Variants in METAP2 observed in about 807,000 individuals in gnomAD.
The protein encoded by METAP2 is methionine aminopeptidase 2.
In METAP2, 25 loss-of-function variants were observed where a neutral mutation model predicts 59.4. That is an observed-to-expected ratio of 0.42 (90% confidence interval 0.31 to 0.59). The LOEUF is 0.59. METAP2 is among the 20% of genes least tolerant of loss of function. METAP2 has a pLI of 0.16. For missense variants in METAP2, 366 were observed against 581.2 expected (o/e 0.63, Z 3.81); for synonymous variants, 214 against 194.1 (o/e 1.10, Z -0.85).
rs754507544 is a variant in METAP2 at position 95,513,769 on chromosome 12, T to C, written c.1302T>C (p.Asn434=). 2.5e-6 allele frequency: 4 copies of C among 1,614,236 alleles called. No individual in the cohort carries two copies. Among genetic ancestry groups the C allele is most frequent in the Non-Finnish European group, 3.4e-6 (4 of 1,180,040 alleles). ...GTAAATACTTGATGGCTCTGAAGAA[T>C]CTGTGTGACTTGGGCATTGTAGATC... is the stretch of plus-strand genomic sequence containing the variant. ...GESKYLMALK[N]LCDLGIVDPY... Residue 434 remains asparagine (N), a synonymous_variant, in exon 11 of 11, where the codon AAT becomes AAC. Transcript: ENST00000323666.
rs113478948 is a variant in METAP2 at position 95,475,948 on chromosome 12, CAATAAT to C, written c.152-122_152-117del. On this transcript the variant is annotated intron_variant, in intron 1 of 10. Coordinates refer to ENST00000323666, the MANE Select transcript of METAP2 (RefSeq NM_006838.4). ...CATTAAACGAATTCTGTTATGTTCA[CAATAAT>C]GTTTCTGTTTTTGTTTCCTGAGGAA... 3,172 of 604,840 alleles carry C rather than the reference CAATAAT, an allele frequency of 5.2e-3. 75 individuals carry two copies. Among genetic ancestry groups the C allele is most frequent in the African/African-American group, 0.051 (2,741 of 53,588 alleles). The allele number at this position is 604,840 out of a possible 1,614,324, so 37.5% of individuals were successfully genotyped here.
intron 7 of METAP2, among the ~76,000 whole-genome samples, chr12:95,498,810 T>TA (rs2076294737): frequency 6.6e-6 from 1 of 152,034 alleles, no homozygotes; most frequent in Non-Finnish European, 1.5e-5. Flanking sequence ...GCTCAGTAGT[T>TA]AAAGTCTAGC....
At chr12:95,483,843 TTTAAA>T (rs1256702256) in intron 3 of METAP2, among the ~76,000 whole-genome samples, 1 of 152,208 alleles carries the variant, frequency 6.6e-6, no homozygotes, top group East Asian at 1.9e-4. Context: ...CCTTCCAGCT[TTTAAA>T]TTATGAGATT....
chr12:95,506,958 T>C (rs1344059594), intron 8 of METAP2, among the ~76,000 whole-genome samples: 1 of 138,614 alleles, frequency 7.2e-6, no homozygotes, highest in Non-Finnish European at 1.5e-5. Context: ...ATTTTTGGAC[T>C]TTTTTTTTTA....
At chr12:95,510,867 A>G (rs1163727137) in intron 8 of METAP2, among the ~76,000 whole-genome samples, 2 of 152,174 alleles carry the variant, frequency 1.3e-5, no homozygotes, top group African/African-American at 4.8e-5. Flanking sequence ...TTTATTGCCT[A>G]ATTTTGAACT....
At chr12:95,496,528 C>A (rs1565781222) in intron 7 of METAP2, among the ~76,000 whole-genome samples, 1 of 152,084 alleles carries the variant, frequency 6.6e-6, no homozygotes, top group Non-Finnish European at 1.5e-5. Context: ...TTTGAACTAG[C>A]ATTGACCACA....
At chr12:95,503,393 G>T (rs1014662593) in intron 7 of METAP2, among the ~76,000 whole-genome samples, 2 of 152,130 alleles carry the variant, frequency 1.3e-5, no homozygotes, top group East Asian at 1.9e-4. Flanking sequence ...GGCCCCAGAG[G>T]GGGAGAACAA....
chr12:95,509,163 A>G (rs1013481073), intron 8 of METAP2, among the ~76,000 whole-genome samples: 4 of 152,132 alleles, frequency 2.6e-5, no homozygotes, highest in Non-Finnish European at 5.9e-5. Context: ...CTGTACCCTC[A>G]TTTTTCTGTG....
chr12:95,483,312 A>G, intron 3 of METAP2, 32 bp downstream of exon 3: 6 of 1,533,166 alleles, frequency 3.9e-6, no homozygotes, highest in Non-Finnish European at 5.4e-6. Context: ...TAATTGATAT[A>G]TTAGAAGTGT....
At chr12:95,492,154 G>GTGTGTA (rs771596880) in intron 4 of METAP2, among the ~76,000 whole-genome samples, 4 of 151,304 alleles carry the variant, frequency 2.6e-5, no homozygotes, top group African/African-American at 9.7e-5. Flanking sequence ...GTGTGTGTGT[G>GTGTGTA]TATGTATATG....
intron 10 of METAP2, 75 bp downstream of exon 10, chr12:95,512,991 G>GGCAT: frequency 1.2e-6 from 1 of 839,430 alleles, no homozygotes; most frequent in Non-Finnish European, 2.0e-6. Context: ...TAAAAAATGT[G>GGCAT]GCATACATAC....
At chr12:95,511,389 GTT>G (rs11301070) in intron 8 of METAP2, among the ~76,000 whole-genome samples, 3 of 61,128 alleles carry the variant, frequency 4.9e-5, no homozygotes, top group East Asian at 5.7e-4. Flanking sequence ...TTCTAGCACC[GTT>G]TTTTTTTTTT....
intron 4 of METAP2, among the ~76,000 whole-genome samples, chr12:95,488,102 A>G (rs1446885854): frequency 2.0e-5 from 3 of 152,150 alleles, no homozygotes; most frequent in Non-Finnish European, 4.4e-5. Context: ...CAGTTCTTAT[A>G]CTATTAGTGA....
intron 7 of METAP2, among the ~76,000 whole-genome samples, chr12:95,503,080 T>G (rs1278888981): frequency 6.6e-6 from 1 of 152,118 alleles, no homozygotes; most frequent in Admixed American, 6.6e-5. Context: ...TTCTGTCGAT[T>G]TATTATTTTC....
intron 7 of METAP2, among the ~76,000 whole-genome samples, chr12:95,500,535 G>A (rs2076307953): frequency 6.6e-6 from 1 of 152,126 alleles, no homozygotes; most frequent in Admixed American, 6.5e-5. Flanking sequence ...TTCATAGATG[G>A]CTTTTATTAC....
intron 3 of METAP2, 136 bp downstream of exon 3, chr12:95,483,416 C>T: frequency 3.7e-6 from 2 of 542,994 alleles, no homozygotes; most frequent in South Asian, 4.0e-5. Flanking sequence ...ACGGAGATTG[C>T]AGTAAGCTGA....
intron 8 of METAP2, among the ~76,000 whole-genome samples, chr12:95,511,284 A>C (rs1290171047): frequency 1.3e-5 from 2 of 150,882 alleles, no homozygotes; most frequent in Non-Finnish European, 2.9e-5. Context: ...ATTTGTGTAC[A>C]TGGCATTTTA....
At chr12:95,503,515 G>A (rs1031673308) in intron 7 of METAP2, among the ~76,000 whole-genome samples, 5 of 152,100 alleles carry the variant, frequency 3.3e-5, no homozygotes, top group Non-Finnish European at 7.4e-5. Context: ...GTGTGTAAGC[G>A]CTGAGGTGTG....
At chr12:95,493,536 A>C (rs1484242696) in intron 4 of METAP2, among the ~76,000 whole-genome samples, 2 of 152,218 alleles carry the variant, frequency 1.3e-5, no homozygotes, top group Non-Finnish European at 2.9e-5. Flanking sequence ...TCAAGGAAGA[A>C]TACCTCTTAT....
Sources: allele counts gnomAD v4.1 joint callset (sites outside exome capture counted in the v4.1 genomes callset), GRCh38; gene constraint gnomAD v4.1.1; transcripts MANE v1.5; gene names NCBI Gene and HGNC (gene_info 2026-07-23, HGNC 2026-07-21).